The following PRSS23 variants were observed in gnomAD, a reference collection of about 807,000 sequenced individuals.
PRSS23 encodes protease, serine 23.
Under a neutral mutation model 34.7 loss-of-function variants are expected in PRSS23, and 25 were observed. The observed-to-expected ratio is 0.72, with a 90% CI of 0.53 to 1.01. The LOEUF (loss-of-function observed/expected upper bound fraction) is 1.01. Ranked by LOEUF, PRSS23 falls within the 50% of genes least tolerant of loss-of-function variation. PRSS23 has a pLI of 0.00. For synonymous variants in PRSS23, 176 were observed against 186.6 expected (o/e 0.94, Z 0.46); for missense variants, 445 against 475.6 (o/e 0.94, Z 0.60).
chr11:86,793,353 C>T (rs1182767700), intron 1 of PRSS23, among the ~76,000 whole-genome samples: 1 of 152,090 alleles, frequency 6.6e-6, no homozygotes, highest in East Asian at 1.9e-4. Flanking sequence ...TTCTTTAATC[C>T]TGGGGGACTC....
At chr11:86,851,812 C>G (rs1486060558) in intron 2 of PRSS23, among the ~76,000 whole-genome samples, 1 of 152,168 alleles carries the variant, frequency 6.6e-6, no homozygotes, top group Non-Finnish European at 1.5e-5. Context: ...TTATCCTCAT[C>G]ATCACCTTCA....
At chr11:86,898,825 C>T (rs998318930) in intron 2 of PRSS23, among the ~76,000 whole-genome samples, 1 of 152,202 alleles carries the variant, frequency 6.6e-6, no homozygotes, top group Admixed American at 6.5e-5. Context: ...AAACAAGGCA[C>T]ACCTCTCTGG....
Position 86,874,851 on chromosome 11 carries a change from T to G in PRSS23, c.206+51258T>G, listed in dbSNP as rs183089039. 1.3e-3 allele frequency among the ~76,000 whole-genome samples: 201 copies of G among 152,274 alleles called. 1 individual carries two copies. Among genetic ancestry groups the G allele is most frequent in the African/African-American group, 4.6e-3 (193 of 41,566 alleles). ...TACAAGTGGCCGAAGGGCTGAGTCA[T>G]CTGGAGGCTTCTTCACTGGTATGTC... On this transcript the variant is annotated intron_variant, in intron 2 of 2. Transcript: ENST00000533902.
Position 86,861,176 on chromosome 11 carries a change from C to T in PRSS23, c.206+37583C>T, listed in dbSNP as rs148971268. On this transcript the variant is annotated intron_variant, in intron 2 of 2. Transcript: ENST00000533902. ...GGGGGAGAGGAAGGTGATATTACTC[C>T]CCATGTCACGGGGGGTGTCCACCCT... 3.1e-3 allele frequency among the ~76,000 whole-genome samples: 443 copies of T among 143,186 alleles called. 3 individuals are homozygous for T. The highest frequency in any genetic ancestry group is 4.3e-3 in the South Asian group (19 of 4,398). 93.9% of individuals were successfully genotyped at this position (143,186 alleles called of 152,430 possible). A position where few individuals can be genotyped will look rare whatever the true frequency, so the allele number is the denominator to read the frequency against.
At chr11:86,880,558 T>A (rs1365580079) in intron 2 of PRSS23, among the ~76,000 whole-genome samples, 1 of 152,236 alleles carries the variant, frequency 6.6e-6, no homozygotes, top group South Asian at 2.1e-4. Flanking sequence ...TAGGTATACA[T>A]GTGCCATGGT....
At chr11:86,926,350 C>A (rs955036061) in intron 2 of PRSS23, among the ~76,000 whole-genome samples, 1 of 152,020 alleles carries the variant, frequency 6.6e-6, no homozygotes, top group African/African-American at 2.4e-5. Flanking sequence ...GTGACAAGAA[C>A]GAGACTGCAT....
chr11:86,802,965 G>A (rs1799624225), intron 1 of PRSS23, among the ~76,000 whole-genome samples: 1 of 152,196 alleles, frequency 6.6e-6, no homozygotes, highest in Admixed American at 6.5e-5. Context: ...AGGGTGGACT[G>A]TGTAACCTAT....
At chr11:86,901,925 G>A (rs1009206521) in intron 2 of PRSS23, among the ~76,000 whole-genome samples, 1 of 152,080 alleles carries the variant, frequency 6.6e-6, no homozygotes, top group Non-Finnish European at 1.5e-5. Flanking sequence ...GGTACTTCTG[G>A]GGGAAAATAG....
At chr11:86,941,463 G>A (rs1289533558) in intron 2 of PRSS23, among the ~76,000 whole-genome samples, 1 of 150,896 alleles carries the variant, frequency 6.6e-6, no homozygotes, top group Non-Finnish European at 1.5e-5. Flanking sequence ...GGCACACGAT[G>A]GACCCTCATT....
intron 2 of PRSS23, among the ~76,000 whole-genome samples, chr11:86,902,230 A>G (rs984714354): frequency 2.0e-5 from 3 of 152,320 alleles, no homozygotes; most frequent in African/African-American, 7.2e-5. Context: ...CTATAGGGAC[A>G]TTCTCTACAA....
chr11:86,833,597 T>C (rs1590885393), intron 2 of PRSS23: 1 of 206,560 alleles, frequency 4.8e-6, no homozygotes, highest in East Asian at 1.2e-4. Flanking sequence ...TATATCCAGA[T>C]CATTTTCCCT....
At chr11:86,910,441 G>C (rs748203632) in intron 2 of PRSS23, 1 of 152,116 alleles carries the variant, frequency 6.6e-6, no homozygotes, top group African/African-American at 2.4e-5. Context: ...TTTGGCCCCC[G>C]TAAAAAGACT....
intron 2 of PRSS23, among the ~76,000 whole-genome samples, chr11:86,939,433 A>AAAAAATATAT (rs1565392858): frequency 2.1e-5 from 1 of 48,128 alleles, no homozygotes; most frequent in Non-Finnish European, 6.0e-5. Flanking sequence ...TATATTTTTT[A>AAAAAATATAT]ACATGAGTAA....
intron 2 of PRSS23, among the ~76,000 whole-genome samples, chr11:86,828,034 A>G (rs1442134317): frequency 6.6e-6 from 1 of 152,132 alleles, no homozygotes; most frequent in African/African-American, 2.4e-5. Flanking sequence ...GCTGAGTTCA[A>G]TTCCTGGGTA....
At chr11:86,929,928 C>A (rs773203803) in intron 2 of PRSS23, among the ~76,000 whole-genome samples, 1 of 151,878 alleles carries the variant, frequency 6.6e-6, no homozygotes, top group Non-Finnish European at 1.5e-5. Context: ...AAACAAGGTG[C>A]GGAACAGTGT....
At chr11:86,819,924 T>C (rs888162589) in intron 1 of PRSS23, among the ~76,000 whole-genome samples, 2 of 152,216 alleles carry the variant, frequency 1.3e-5, no homozygotes, top group African/African-American at 4.8e-5. Context: ...CAATAAGACC[T>C]CCAGTGCTTT....
At chr11:86,915,974 G>T (rs1949010166) in intron 2 of PRSS23, among the ~76,000 whole-genome samples, 3 of 152,030 alleles carry the variant, frequency 2.0e-5, no homozygotes. Flanking sequence ...AGAATTGCTT[G>T]AACTCAGGAA....
At chr11:86,839,152 G>A (rs2134900988) in intron 2 of PRSS23, among the ~76,000 whole-genome samples, 1 of 152,234 alleles carries the variant, frequency 6.6e-6, no homozygotes, top group Admixed American at 6.5e-5. Flanking sequence ...AGCTTAACGA[G>A]TTGACAGAAG....
intron 2 of PRSS23, among the ~76,000 whole-genome samples, chr11:86,939,426 A>ATATATATTTTTTTTTT: frequency 0.015 from 1,361 of 93,826 alleles, 31 homozygotes; most frequent in Admixed American, 0.023. Context: ...ATATATATAT[A>ATATATATTTTTTTTTT]TTTTTTAACA....
Sources: allele counts gnomAD v4.1 joint callset (sites outside exome capture counted in the v4.1 genomes callset), GRCh38; gene constraint gnomAD v4.1.1; transcripts MANE v1.5; gene names NCBI Gene and HGNC (gene_info 2026-07-23, HGNC 2026-07-21).